The following GIN1 variants were observed in gnomAD, a reference collection of about 807,000 sequenced individuals.
GIN1 encodes gypsy retrotransposon integrase-like protein 1.
Under a neutral mutation model 51.4 loss-of-function variants are expected in GIN1, and 41 were observed. The observed-to-expected ratio is 0.80, with a 90% CI of 0.62 to 1.04. GIN1 has a LOEUF of 1.04. Among genes scored for constraint, GIN1 ranks in the 50% least tolerant of loss-of-function variants. The probability of loss-of-function intolerance (pLI) is 0.00; values close to 1 mark genes in which losing one functional copy is unlikely to be tolerated. For synonymous variants in GIN1, 222 were observed against 206.5 expected (o/e 1.07, Z -0.64); for missense variants, 610 against 612.4 (o/e 1.00, Z 0.04).
At chr5:103,114,813 C>T (rs1787985175) in intron 1 of GIN1, among the ~76,000 whole-genome samples, 1 of 151,920 alleles carries the variant, frequency 6.6e-6, no homozygotes, top group African/African-American at 2.4e-5. Context: ...TGAGACTAGC[C>T]AGAGAAACAG....
intron 4 of GIN1, among the ~76,000 whole-genome samples, chr5:103,100,639 T>C (rs1276840421): frequency 6.6e-6 from 1 of 151,844 alleles, no homozygotes; most frequent in African/African-American, 2.4e-5. Context: ...TCTCAAGTTA[T>C]CCTCTCACCT....
rs1787737977 is a variant in GIN1, at chr5:103,106,799, C to G, written c.250G>C (p.Ala84Pro). ...LRECHENDSG[A>P]HHGISRTLTL... ...AGGGTCCTGGATATACCATGATGAGCTCCACTGTCATTTTCATGGCATTCT... is the reference window on the plus strand; with the variant it reads ...AGGGTCCTGGATATACCATGATGAGGTCCACTGTCATTTTCATGGCATTCT... Residue 84 changes from alanine (A) to proline (P), a missense_variant, in exon 3 of 8, where the codon GCT becomes CCT. Transcript: ENST00000399004. The G allele has an allele frequency of 1.9e-6, 3 of 1,601,990 alleles. No homozygotes were observed. The highest frequency in any genetic ancestry group is 1.1e-5 in the South Asian group (1 of 89,874).
chr5:103,092,642 A>G (rs1480859961), intron 7 of GIN1, among the ~76,000 whole-genome samples: 1 of 152,158 alleles, frequency 6.6e-6, no homozygotes, highest in African/African-American at 2.4e-5. Context: ...CTGAGTAACT[A>G]TTGGTTAAGA....
chr5:103,111,457 G>A (rs1375829930), intron 1 of GIN1, among the ~76,000 whole-genome samples: 1 of 152,164 alleles, frequency 6.6e-6, no homozygotes, highest in Non-Finnish European at 1.5e-5. Context: ...ATACTAGCCA[G>A]TTGGGAGGAT....
At chr5:103,101,172 A>T (rs1787564061) in intron 4 of GIN1, among the ~76,000 whole-genome samples, 1 of 152,204 alleles carries the variant, frequency 6.6e-6, no homozygotes, top group African/African-American at 2.4e-5. Flanking sequence ...AAATAAAATA[A>T]GGGTAACTTG....
Position 103,096,486 on chromosome 5 carries a change from T to C in GIN1, c.1294+55A>G, listed in dbSNP as rs1436424102. 102 of 1,245,586 alleles carry C rather than the reference T, an allele frequency of 8.2e-5. 2 individuals are homozygous for C. Among genetic ancestry groups the C allele is most frequent in the African/African-American group, 4.5e-5 (3 of 66,268 alleles). 77.2% of individuals were successfully genotyped at this position (1,245,586 alleles called of 1,614,324 possible). A position where few individuals can be genotyped will look rare whatever the true frequency, so the allele number is the denominator to read the frequency against. Reference sequence around the variant, plus strand: ...AGGGGAGAAAGGTTTCTGTTATTTTTAACTATTCTCCTTACCTAAAGCAAT... The same window carrying C: ...AGGGGAGAAAGGTTTCTGTTATTTTCAACTATTCTCCTTACCTAAAGCAAT... On this transcript the variant is annotated intron_variant, in intron 7 of 7. Coordinates refer to ENST00000399004, the MANE Select transcript of GIN1 (RefSeq NM_017676.2).
At chr5:103,091,640 T>C (rs1554194543) in intron 7 of GIN1, among the ~76,000 whole-genome samples, 1 of 152,206 alleles carries the variant, frequency 6.6e-6, no homozygotes, top group East Asian at 1.9e-4. Context: ...CAGGAAGGTA[T>C]TAATCAGCAG....
chr5:103,086,930 GTTATT>G lies in GIN1; in HGVS notation c.*963_*967del, dbSNP rs1281611382. On this transcript the variant is annotated 3_prime_UTR_variant, in exon 8 of 8. Transcript: ENST00000399004. Reference sequence around the variant, plus strand: ...TTACAGTTTAAAATCTTTGATACTGGTTATTTTATGATTTTATGATTGCAGAAAAA... The same window carrying G: ...TTACAGTTTAAAATCTTTGATACTGGTTATGATTTTATGATTGCAGAAAAA... The G allele has an allele frequency of 4.6e-5, 7 of 152,070 alleles. No individual in the cohort carries two copies. The highest frequency in any genetic ancestry group is 1.7e-4 in the African/African-American group (7 of 41,424). The allele number at this position is 152,070 out of a possible 1,614,324, so 9.4% of individuals were successfully genotyped here.
chr5:103,086,852 GAATA>G lies in GIN1; in HGVS notation c.*1042_*1045del, dbSNP rs1331490465. 5 of 152,108 alleles carry G rather than the reference GAATA, an allele frequency of 3.3e-5. No individual in the cohort carries two copies. The highest frequency in any genetic ancestry group is 7.2e-5 in the African/African-American group (3 of 41,412). The allele number at this position is 152,108 out of a possible 1,614,324, so 9.4% of individuals were successfully genotyped here. A position where few individuals can be genotyped will look rare whatever the true frequency, so the allele number is the denominator to read the frequency against. On this transcript the variant is annotated 3_prime_UTR_variant, in exon 8 of 8. Transcript: ENST00000399004. ...CCACAGTTCTTTTCATAGTGCTTTA[GAATA>G]AATATTTATTGAACAATATTTATTT...
In GIN1 at chr5:103,088,161, G is replaced by C. The variant is rs1554194147; in HGVS notation, c.1306C>G (p.Leu436Val). The change falls in exon 8 of 8, where the codon CTC (leucine) becomes GTC (valine). Residue 436 changes from leucine to valine, a missense_variant. Coordinates refer to ENST00000399004, the MANE Select transcript of GIN1 (RefSeq NM_017676.2). ...TCTGCCACTACTGAACCTTGCAAGA[G>C]ATAAAGACTTTCTGAAAAAAGAAAA... The part of the protein sequence containing the change: ...RESSEQESLY[L>V]LQGSVVADHD... 6.7e-7 allele frequency: 1 copy of C among 1,498,878 alleles called. No individual in the cohort carries two copies. Among genetic ancestry groups the C allele is most frequent in the Non-Finnish European group, 8.9e-7 (1 of 1,118,812 alleles). 92.8% of individuals were successfully genotyped at this position (1,498,878 alleles called of 1,614,324 possible).
rs1787130642 is a variant in GIN1, at chr5:103,088,103, A to G, written c.1364T>C (p.Ile455Thr). ...HDYIGLPEIPIGAYQANILVE... is the reference protein window; with the variant it reads ...HDYIGLPEIPTGAYQANILVE... ...CAGAATATTTGCTTGATATGCTCCA[A>G]TCGGAATTTCAGGCAATCCAATGTA... Residue 455 changes from isoleucine to threonine, a missense_variant, in exon 8 of 8, where the codon ATT becomes ACT. Coordinates refer to ENST00000399004, the MANE Select transcript of GIN1 (RefSeq NM_017676.2). 1.2e-6 allele frequency: 2 copies of G among 1,608,596 alleles called. No homozygotes were observed. Among genetic ancestry groups the G allele is most frequent in the Middle Eastern group, 1.7e-4 (1 of 6,054 alleles).
intron 6 of GIN1, 126 bp downstream of exon 6, chr5:103,097,188 A>G (rs1388538582): frequency 1.5e-6 from 1 of 648,274 alleles, no homozygotes; most frequent in African/African-American, 1.9e-5. Context: ...AATCTGATAG[A>G]TAAAAAATTA....
rs1787445933 is a variant in GIN1, at chr5:103,097,691, T to C, written c.730A>G (p.Asn244Asp). ...GTVNPTESTP[N>D]TIKAFLSKHC... ...TTGGAGAGAAATGCTTTGATTGTGT[T>C]AGGTGTACTTTCCGTTGGGTTAACA... Residue 244 changes from asparagine to aspartate, a missense_variant, in exon 5 of 8, where the codon AAC becomes GAC. Physicochemically the swap from Asn to Asp is conservative, Grantham distance 23 (BLOSUM62 1). Coordinates refer to ENST00000399004, the MANE Select transcript of GIN1 (RefSeq NM_017676.2). The C allele has an allele frequency of 6.2e-7, 1 of 1,601,194 alleles. No individual in the cohort carries two copies. The highest frequency in any genetic ancestry group is 1.3e-5 in the African/African-American group (1 of 74,706).
intron 1 of GIN1, among the ~76,000 whole-genome samples, chr5:103,109,320 T>C (rs1235683513): frequency 6.6e-6 from 1 of 152,084 alleles, no homozygotes; most frequent in Non-Finnish European, 1.5e-5. Flanking sequence ...CTGCTAGGAT[T>C]CTGACATAAA....
At chr5:103,113,387 C>T (rs1787938380) in intron 1 of GIN1, among the ~76,000 whole-genome samples, 1 of 152,112 alleles carries the variant, frequency 6.6e-6, no homozygotes, top group South Asian at 2.1e-4. Flanking sequence ...TTCTTATAGG[C>T]AGCTGTCTTC....
chr5:103,112,117 C>T (rs1270976407), intron 1 of GIN1, among the ~76,000 whole-genome samples: 2 of 152,064 alleles, frequency 1.3e-5, no homozygotes, highest in Non-Finnish European at 2.9e-5. Context: ...GGAGACTGAG[C>T]TCTTTAAGGT....
chr5:103,104,024 G>A (rs888399886), intron 4 of GIN1, among the ~76,000 whole-genome samples: 6 of 152,052 alleles, frequency 3.9e-5, no homozygotes, highest in Non-Finnish European at 8.8e-5. Flanking sequence ...TGCAATCTTG[G>A]CTCACTGCAA....
At chr5:103,103,904 C>G (rs1245977145) in intron 4 of GIN1, among the ~76,000 whole-genome samples, 1 of 152,144 alleles carries the variant, frequency 6.6e-6, no homozygotes, top group Non-Finnish European at 1.5e-5. Flanking sequence ...ATCCTCCTAT[C>G]TCAACCTCCC....
chr5:103,098,674 G>A (rs971140393), intron 4 of GIN1, among the ~76,000 whole-genome samples: 1 of 151,940 alleles, frequency 6.6e-6, no homozygotes, highest in African/African-American at 2.4e-5. Context: ...GCCCAGGCTG[G>A]TCTCAAACTC....
Sources: gnomAD v4.1 joint callset for allele counts (sites outside exome capture counted in the v4.1 genomes callset) on GRCh38, gnomAD v4.1.1 for gene constraint, MANE v1.5 for transcripts, NCBI Gene and HGNC (gene_info 2026-07-23, HGNC 2026-07-21) for gene names.